The following MAP2K7 variants were observed in gnomAD, a reference collection of about 807,000 sequenced individuals.
MAP2K7 encodes the protein dual specificity mitogen-activated protein kinase kinase 7.
A neutral mutation model predicts 47.7 loss-of-function variants in MAP2K7; 12 were observed. The observed-to-expected ratio is 0.25, with a 90% CI of 0.16 to 0.41. The LOEUF is 0.41. Among genes scored for constraint, MAP2K7 ranks in the 10% least tolerant of loss-of-function variants. The probability of loss-of-function intolerance (pLI) is 1.00; values close to 1 mark genes in which losing one functional copy is unlikely to be tolerated. For synonymous variants in MAP2K7, 299 were observed against 243.0 expected (o/e 1.23, Z -2.14); for missense variants, 415 against 600.3 (o/e 0.69, Z 3.23).
intron 1 of MAP2K7, chr19:7,906,198 T>C (rs1210803032): frequency 9.0e-6 from 3 of 333,310 alleles, no homozygotes; most frequent in African/African-American, 6.2e-5. Context: ...TTGGGCCTGG[T>C]GGGTGGGTGG....
At chr19:7,906,100 G>A in intron 1 of MAP2K7, 2 of 550,938 alleles carry the variant, frequency 3.6e-6, no homozygotes, top group Non-Finnish European at 6.5e-6. Flanking sequence ...GGAGGAGGAG[G>A]TGGGCTCCCC....
chr19:7,910,059 C>A lies in MAP2K7; in HGVS notation c.267-4C>A. 1 of 1,599,808 alleles carries A rather than the reference C, an allele frequency of 6.3e-7. No homozygotes were observed. The highest frequency in any genetic ancestry group is 2.2e-5 in the East Asian group (1 of 44,538). Reference sequence around the variant, plus strand: ...CTCCACCGGCACCTGCTCCATGTCCCCAGCATTGAGATTGACCAGAAGCTG... The same window carrying A: ...CTCCACCGGCACCTGCTCCATGTCCACAGCATTGAGATTGACCAGAAGCTG... On this transcript the variant is annotated splice_polypyrimidine_tract_variant and splice_region_variant and intron_variant, in intron 2 of 10. Coordinates refer to ENST00000397979, the MANE Select transcript of MAP2K7 (RefSeq NM_145185.4).
rs988994386 is a variant in MAP2K7, at chr19:7,914,154, G to C, written c.*1723G>C. The C allele has an allele frequency of 1.3e-5, 2 of 152,286 alleles. No homozygotes were observed. The highest frequency in any genetic ancestry group is 4.8e-5 in the African/African-American group (2 of 41,462). The allele number at this position is 152,286 out of a possible 1,614,324, so 9.4% of individuals were successfully genotyped here. ...CACAGGCCCGAGGCCGGGCTGCCTG[G>C]TTTTATTTTTATTTAACTTTATTTT... is the stretch of plus-strand genomic sequence containing the variant. On this transcript the variant is annotated 3_prime_UTR_variant, in exon 11 of 11. Transcript: ENST00000397979.
Position 7,903,913 on chromosome 19 carries a change from G to A in MAP2K7, c.-32G>A. 1 of 1,470,032 alleles carries A rather than the reference G, an allele frequency of 6.8e-7. No homozygotes were observed. Among genetic ancestry groups the A allele is most frequent in the Non-Finnish European group, 9.1e-7 (1 of 1,103,002 alleles). 91.1% of individuals were successfully genotyped at this position (1,470,032 alleles called of 1,614,324 possible). On this transcript the variant is annotated 5_prime_UTR_variant, in exon 1 of 11. Coordinates refer to ENST00000397979, the MANE Select transcript of MAP2K7 (RefSeq NM_145185.4). Reference sequence around the variant, plus strand: ...TGTCTGCCGGACTGACGGGCGGCCGGGCGGTGCGCGGCGGCGGTGGCGGCG... The same window carrying A: ...TGTCTGCCGGACTGACGGGCGGCCGAGCGGTGCGCGGCGGCGGTGGCGGCG...
At chr19:7,905,464 G>A (rs1180562828) in intron 1 of MAP2K7, among the ~76,000 whole-genome samples, 2 of 152,162 alleles carry the variant, frequency 1.3e-5, no homozygotes, top group Non-Finnish European at 1.5e-5. Context: ...GCCAAGACAC[G>A]GGTCCCTGCT....
Position 7,910,815 on chromosome 19 carries a change from G to T in MAP2K7, c.675+12G>T. On this transcript the variant is annotated intron_variant, in intron 6 of 10. Transcript: ENST00000397979. Reference sequence around the variant, plus strand: ...AGATGACAGTGGCGGTGAGTGACCAGGCGGGGCTTGCACTGGGCAGGATGA... The same window carrying T: ...AGATGACAGTGGCGGTGAGTGACCATGCGGGGCTTGCACTGGGCAGGATGA... 6.3e-7 allele frequency: 1 copy of T among 1,583,520 alleles called. No individual in the cohort carries two copies. Among genetic ancestry groups the T allele is most frequent in the South Asian group, 1.1e-5 (1 of 87,074 alleles).
At chr19:7,908,288 C>T (rs980408229) in intron 1 of MAP2K7, among the ~76,000 whole-genome samples, 3 of 152,090 alleles carry the variant, frequency 2.0e-5, no homozygotes, top group African/African-American at 7.2e-5. Context: ...TGGCTGTGTC[C>T]CAAGGTCCCC....
chr19:7,910,411 C>T (rs2085612866), intron 4 of MAP2K7, 38 bp downstream of exon 4: 2 of 1,603,642 alleles, frequency 1.2e-6, no homozygotes, highest in Non-Finnish European at 1.7e-6. Flanking sequence ...GCCCCACACC[C>T]CAGGCCGGTG....
At position 7,911,246 on chromosome 19, in the gene MAP2K7, G is replaced by T; in HGVS notation, c.856-4G>T. ...AGATACGTCTTCTCCTCCCCCCCCT[G>T]CAGCCCGAGCGCATTGACCCCCCAG... is the stretch of plus-strand genomic sequence containing the variant. On this transcript the variant is annotated splice_polypyrimidine_tract_variant and splice_region_variant and intron_variant, in intron 7 of 10. Coordinates refer to ENST00000397979, the MANE Select transcript of MAP2K7 (RefSeq NM_145185.4). The T allele has an allele frequency of 6.2e-7, 1 of 1,610,600 alleles. No homozygotes were observed.
rs56358830 is a variant in MAP2K7, at chr19:7,911,242, C to T, written c.856-8C>T. Reference sequence around the variant, plus strand: ...TTGGAGATACGTCTTCTCCTCCCCCCCCTGCAGCCCGAGCGCATTGACCCC... The same window carrying T: ...TTGGAGATACGTCTTCTCCTCCCCCTCCTGCAGCCCGAGCGCATTGACCCC... On this transcript the variant is annotated splice_polypyrimidine_tract_variant and splice_region_variant and intron_variant, in intron 7 of 10. Transcript: ENST00000397979. 1.2e-4 allele frequency: 197 copies of T among 1,610,088 alleles called. No homozygotes were observed. The highest frequency in any genetic ancestry group is 8.7e-4 in the East Asian group (39 of 44,800).
chr19:7,914,310 A>C lies in MAP2K7; in HGVS notation c.*1879A>C, dbSNP rs1032580860. The C allele has an allele frequency of 3.3e-5, 5 of 152,194 alleles. No homozygotes were observed. The highest frequency in any genetic ancestry group is 7.3e-5 in the Non-Finnish European group (5 of 68,042). 9.4% of individuals were successfully genotyped at this position (152,194 alleles called of 1,614,324 possible). A position where few individuals can be genotyped will look rare whatever the true frequency, so the allele number is the denominator to read the frequency against. On this transcript the variant is annotated 3_prime_UTR_variant, in exon 11 of 11. Transcript: ENST00000397979. ...TCGTCACCAGCCATCCCTCTGGACC[A>C]GGCAGAGGGCGGACCGGGTGGGCAG...
chr19:7,910,482 G>A lies in MAP2K7; in HGVS notation c.477G>A (p.Glu159=). 2 of 1,611,762 alleles carry A rather than the reference G, an allele frequency of 1.2e-6. No homozygotes were observed. Among genetic ancestry groups the A allele is most frequent in the Non-Finnish European group, 8.5e-7 (1 of 1,179,114 alleles). ...KQMRRSGNKE[E]NKRILMDLDV... is the part of the protein sequence containing the mutation. ...TGCGGCGCTCCGGGAACAAGGAGGA[G>A]AACAAGCGCATCCTCATGGACCTGG... Residue 159 remains glutamate, a synonymous_variant, in exon 5 of 11, where the codon GAG becomes GAA. Transcript: ENST00000397979.
chr19:7,904,222 G>C (rs1240465191), intron 1 of MAP2K7, among the ~76,000 whole-genome samples, 154 bp downstream of exon 1: 1 of 151,876 alleles, frequency 6.6e-6, no homozygotes, highest in Admixed American at 6.5e-5. Flanking sequence ...CGAGGGTCAC[G>C]GTGACCCGGG....
chr19:7,906,013 G>A, intron 1 of MAP2K7: 1 of 718,776 alleles, frequency 1.4e-6, no homozygotes, highest in South Asian at 1.6e-5. Context: ...TCAAGCAGCG[G>A]TCAGCCCAGC....
chr19:7,912,054 A>G (rs545909714), intron 9 of MAP2K7, 95 bp from the exon 10 acceptor site: 1 of 1,154,954 alleles, frequency 8.7e-7, no homozygotes, highest in South Asian at 1.3e-5. Context: ...CATCTTGGGG[A>G]CCCCTGGCCC....
chr19:7,905,804 C>T (rs770584367), intron 1 of MAP2K7: 2 of 1,609,810 alleles, frequency 1.2e-6, no homozygotes, highest in South Asian at 2.2e-5. Context: ...TTTTCCCCAT[C>T]CAGTTATTGT....
intron 1 of MAP2K7, among the ~76,000 whole-genome samples, chr19:7,908,235 G>A (rs1982589994): frequency 6.6e-6 from 1 of 152,020 alleles, no homozygotes; most frequent in Non-Finnish European, 1.5e-5. Flanking sequence ...AGCGGGAGGG[G>A]CACGGGAGGT....
intron 9 of MAP2K7, 39 bp from the exon 10 acceptor site, chr19:7,912,110 C>G: frequency 6.2e-7 from 1 of 1,604,754 alleles, no homozygotes; most frequent in Non-Finnish European, 8.5e-7. Context: ...ATCCCCTCCT[C>G]CCTCGTTCTC....
chr19:7,903,894 C>A lies in MAP2K7; in HGVS notation c.-51C>A. ...GCAGGCGCAGTGCGGTGTTTGTCTG[C>A]CGGACTGACGGGCGGCCGGGCGGTG... On this transcript the variant is annotated 5_prime_UTR_variant, in exon 1 of 11. Coordinates refer to ENST00000397979, the MANE Select transcript of MAP2K7 (RefSeq NM_145185.4). The A allele has an allele frequency of 2.1e-6, 3 of 1,404,852 alleles. No homozygotes were observed. Among genetic ancestry groups the A allele is most frequent in the Non-Finnish European group, 2.8e-6 (3 of 1,057,950 alleles). 87.0% of individuals were successfully genotyped at this position (1,404,852 alleles called of 1,614,324 possible).
Sources: allele counts gnomAD v4.1 joint callset (sites outside exome capture counted in the v4.1 genomes callset), GRCh38; gene constraint gnomAD v4.1.1; transcripts MANE v1.5; gene names NCBI Gene and HGNC (gene_info 2026-07-23, HGNC 2026-07-21).